PSME4: variants seen among roughly 807,000 people sequenced by gnomAD.
PSME4 encodes the protein proteasome activator complex subunit 4.
Under a neutral mutation model 253.9 loss-of-function variants are expected in PSME4, and 89 were observed. The observed-to-expected ratio is 0.35, with a 90% CI of 0.30 to 0.42. The LOEUF is 0.42. Among genes scored for constraint, PSME4 ranks in the 10% least tolerant of loss-of-function variants. The pLI, the probability that PSME4 is intolerant of heterozygous loss-of-function variation, is 1.00. For missense variants in PSME4, 2,014 were observed against 2,195.2 expected (o/e 0.92, Z 1.65); for synonymous variants, 851 against 759.2 (o/e 1.12, Z -1.99).
At chr2:53,960,380 C>T (rs1238714799) in intron 1 of PSME4, among the ~76,000 whole-genome samples, 2 of 135,056 alleles carry the variant, frequency 1.5e-5, no homozygotes, top group African/African-American at 2.9e-5. Context: ...GCCTGGGCAA[C>T]AGAGCGAGAC....
intron 35 of PSME4, 86 bp from the exon 36 acceptor site, chr2:53,893,046 A>G (rs1679981413): frequency 7.7e-7 from 1 of 1,292,040 alleles, no homozygotes. Context: ...TACATTACTA[A>G]CGTGCTTAAA....
intron 28 of PSME4, among the ~76,000 whole-genome samples, chr2:53,901,043 A>G (rs1011840883): frequency 2.6e-5 from 4 of 152,202 alleles, no homozygotes; most frequent in African/African-American, 9.7e-5. Flanking sequence ...CTCATAAAAT[A>G]TAATTAACTC....
chr2:53,900,147 T>C lies in PSME4; in HGVS notation c.3286-130A>G, dbSNP rs1166118193. On this transcript the variant is annotated intron_variant, in intron 28 of 46. Coordinates refer to ENST00000404125, the MANE Select transcript of PSME4 (RefSeq NM_014614.3). ...TCCACATATTTTACGATTCCATTTA[T>C]ATGAAATATCTAATAATGGGCAAAT... The C allele has an allele frequency of 9.1e-6, 8 of 883,062 alleles. No individual in the cohort carries two copies. The Admixed American group carries it at 2.3e-4, about 25-fold the overall frequency. 54.7% of individuals were successfully genotyped at this position (883,062 alleles called of 1,614,324 possible).
intron 27 of PSME4, among the ~76,000 whole-genome samples, chr2:53,902,806 G>A (rs999454171): frequency 6.6e-6 from 1 of 152,144 alleles, no homozygotes; most frequent in African/African-American, 2.4e-5. Context: ...GAATGAACAT[G>A]GCTGTGTTTC....
Position 53,947,992 on chromosome 2 carries a change from A to G in PSME4, c.500+429T>C, listed in dbSNP as rs13026699. On this transcript the variant is annotated intron_variant, in intron 3 of 46. Coordinates refer to ENST00000404125, the MANE Select transcript of PSME4 (RefSeq NM_014614.3). The stretch of plus-strand genomic sequence containing the variant: ...GATCACACCACTGCACTCCAGCCTG[A>G]GCGTCAGAGTGAGACACCATCTCAG... 5.0e-3 allele frequency among the ~76,000 whole-genome samples: 759 copies of G among 152,070 alleles called. 7 individuals carry two copies. The highest frequency in any genetic ancestry group is 0.017 in the African/African-American group (721 of 41,496).
At chr2:53,939,915 C>T (rs796722478) in intron 4 of PSME4, 41 bp downstream of exon 4, 4 of 1,512,846 alleles carry the variant, frequency 2.6e-6, no homozygotes, top group Non-Finnish European at 3.6e-6. Context: ...GAAAAGCCCA[C>T]AGAAACAACA....
chr2:53,912,764 C>T (rs761387938), intron 20 of PSME4, among the ~76,000 whole-genome samples: 1 of 152,206 alleles, frequency 6.6e-6, no homozygotes, highest in Non-Finnish European at 1.5e-5. Context: ...TAGTATCCTA[C>T]CTCTTCTGAC....
intron 8 of PSME4, among the ~76,000 whole-genome samples, chr2:53,934,102 T>C (rs934041579): frequency 1.1e-4 from 17 of 152,248 alleles, no homozygotes; most frequent in Admixed American, 1.0e-3. Flanking sequence ...AATATTCTTA[T>C]ATGAAAGATG....
intron 1 of PSME4, among the ~76,000 whole-genome samples, chr2:53,962,700 T>C (rs1573384660): frequency 6.6e-6 from 1 of 152,254 alleles, no homozygotes; most frequent in East Asian, 1.9e-4. Context: ...CTGTCCTAAA[T>C]GAACAAAAAT....
intron 3 of PSME4, among the ~76,000 whole-genome samples, chr2:53,943,673 T>C (rs1163302503): frequency 6.6e-6 from 1 of 151,912 alleles, no homozygotes; most frequent in Non-Finnish European, 1.5e-5. Flanking sequence ...AAACCCCATC[T>C]CTACTAAAAA....
At chr2:53,904,614 A>G (rs1366447139) in intron 26 of PSME4, among the ~76,000 whole-genome samples, 1 of 152,230 alleles carries the variant, frequency 6.6e-6, no homozygotes, top group African/African-American at 2.4e-5. Context: ...CTTAAGTACA[A>G]TCTCACATAT....
chr2:53,943,895 C>T (rs1669578345), intron 3 of PSME4, among the ~76,000 whole-genome samples: 1 of 150,556 alleles, frequency 6.6e-6, no homozygotes, highest in Non-Finnish European at 1.5e-5. Context: ...TAGCATTTTC[C>T]TTGCTGATGC....
At chr2:53,883,762 T>A (rs1309735568) in intron 41 of PSME4, among the ~76,000 whole-genome samples, 1 of 151,764 alleles carries the variant, frequency 6.6e-6, no homozygotes, top group Non-Finnish European at 1.5e-5. Context: ...TTTTTTTCCA[T>A]CTACACCCAT....
At position 53,907,765 on chromosome 2, in the gene PSME4, T is replaced by C. The variant is rs987350190; in HGVS notation, c.2784+555A>G. On this transcript the variant is annotated intron_variant, in intron 24 of 46. Coordinates refer to ENST00000404125, the MANE Select transcript of PSME4 (RefSeq NM_014614.3). ...TTTTATATCTCCTTGCCCTTTTACA[T>C]GCCATTCCTTCTGTCTAAAGTATCT... Among the ~76,000 whole-genome samples the C allele has an allele frequency of 3.3e-5, 5 of 152,314 alleles. No homozygotes were observed. In the East Asian group the frequency reaches 5.8e-4, roughly 18 times the overall value.
At chr2:53,902,905 C>G (rs555775587) in intron 27 of PSME4, among the ~76,000 whole-genome samples, 10 of 152,314 alleles carry the variant, frequency 6.6e-5, no homozygotes, top group Admixed American at 2.0e-4. Flanking sequence ...GTCTTACAAG[C>G]TTCATGGAAG....
At chr2:53,954,384 A>T (rs1202422875) in intron 1 of PSME4, among the ~76,000 whole-genome samples, 1 of 152,166 alleles carries the variant, frequency 6.6e-6, no homozygotes, top group Non-Finnish European at 1.5e-5. Context: ...TCATGCCTGA[A>T]ATCCCAGCAT....
intron 20 of PSME4, among the ~76,000 whole-genome samples, chr2:53,918,820 A>G (rs1355310789): frequency 6.6e-6 from 1 of 152,224 alleles, no homozygotes; most frequent in East Asian, 1.9e-4. Flanking sequence ...CATTTGCTAC[A>G]GTCAAAACAA....
intron 17 of PSME4, among the ~76,000 whole-genome samples, chr2:53,921,736 C>T (rs1218459534): frequency 1.6e-4 from 23 of 140,076 alleles, no homozygotes; most frequent in African/African-American, 4.1e-4. Context: ...GGCGTAGTGG[C>T]GGGCGCCTGT....
chr2:53,963,878 A>G (rs1193779232), intron 1 of PSME4, among the ~76,000 whole-genome samples: 5 of 152,186 alleles, frequency 3.3e-5, no homozygotes, highest in Non-Finnish European at 1.5e-5. Flanking sequence ...TACTGGAAAC[A>G]TTCATGAATA....
Sources: gnomAD v4.1 joint callset for allele counts (sites outside exome capture counted in the v4.1 genomes callset) on GRCh38, gnomAD v4.1.1 for gene constraint, MANE v1.5 for transcripts, NCBI Gene and HGNC (gene_info 2026-07-23, HGNC 2026-07-21) for gene names.